The following MYOM1 variants were observed in gnomAD, a reference collection of about 807,000 sequenced individuals.
MYOM1 encodes myomesin 1.
In MYOM1, 164 loss-of-function variants were observed where a neutral mutation model predicts 205.3. The ratio of observed to expected loss-of-function variants is 0.80; its 90% CI spans 0.70 to 0.91. MYOM1 has a LOEUF of 0.91. Ranked by LOEUF, MYOM1 falls within the 40% of genes least tolerant of loss-of-function variation. MYOM1 has a pLI of 0.00. For synonymous variants in MYOM1, 772 were observed against 789.4 expected (o/e 0.98, Z 0.37); for missense variants, 2,011 against 2,127.3 (o/e 0.95, Z 1.08).
chr18:3,115,777 C>T lies in MYOM1; in HGVS notation c.3303+554G>A, dbSNP rs74679790. On this transcript the variant is annotated intron_variant, in intron 21 of 37. Coordinates refer to ENST00000356443, the MANE Select transcript of MYOM1 (RefSeq NM_003803.4). Reference sequence around the variant, plus strand: ...CAGAGTTAGGAAATGGTTCAATGAGCACACTCTAGAGGAACCTGAAAGGCA... The same window carrying T: ...CAGAGTTAGGAAATGGTTCAATGAGTACACTCTAGAGGAACCTGAAAGGCA... Among the ~76,000 whole-genome samples the T allele has an allele frequency of 6.2e-3, 938 of 152,222 alleles. 7 individuals carry two copies. Among genetic ancestry groups the T allele is most frequent in the African/African-American group, 0.021 (890 of 41,538 alleles).
rs771649769 is a variant in MYOM1, at chr18:3,151,776, C to T, written c.1761G>A (p.Val587=). The T allele has an allele frequency of 1.2e-6, 2 of 1,613,918 alleles. No homozygotes were observed. Among genetic ancestry groups the T allele is most frequent in the Non-Finnish European group, 1.7e-6 (2 of 1,179,836 alleles). Residue 587 remains valine (V), a synonymous_variant, in exon 12 of 38, where the codon GTG becomes GTA. Transcript: ENST00000356443. ...ATGGGAAACCTATTCCCATTTTATT[C>T]ACAGCTCGAACTCGGAAGATATAGG... ...GRSYIFRVRA[V]NKMGIGFPSR...
chr18:3,174,320 C>A, intron 6 of MYOM1, 112 bp from the exon 7 acceptor site: 1 of 848,898 alleles, frequency 1.2e-6, no homozygotes, highest in South Asian at 1.6e-5. Context: ...CAGTGGCTAA[C>A]ACATGGCTCT....
chr18:3,158,427 G>C (rs1408731176), intron 10 of MYOM1, among the ~76,000 whole-genome samples: 1 of 151,884 alleles, frequency 6.6e-6, no homozygotes, highest in Non-Finnish European at 1.5e-5. Flanking sequence ...TCAGTTCTTA[G>C]AACTAGAATT....
chr18:3,126,835 C>T lies in MYOM1; in HGVS notation c.2857G>A (p.Gly953Arg), dbSNP rs772637079. 2 of 1,613,462 alleles carry T rather than the reference C, an allele frequency of 1.2e-6. No homozygotes were observed. The highest frequency in any genetic ancestry group is 2.2e-5 in the South Asian group (2 of 90,922). The part of the protein sequence containing the change: ...LESFRDSMVL[G>R]WKQPDKIGGA... ...CCAATCTTATCTGGTTGCTTCCATC[C>T]AAGAACCATTGAGTCACGAAAACTT... Residue 953 changes from glycine (G) to arginine (R), a missense_variant, in exon 19 of 38, where the codon GGA becomes AGA. By Grantham distance (125) the Gly-to-Arg change is moderately radical. Coordinates refer to ENST00000356443, the MANE Select transcript of MYOM1 (RefSeq NM_003803.4).
the MYOM1 span, among the ~76,000 whole-genome samples, chr18:3,242,549 C>G: frequency 4.0e-4 from 61 of 152,268 alleles, no homozygotes; most frequent in Middle Eastern, 0.01. Flanking sequence ...TGCTCTGTAG[C>G]CCAGGCTTGA....
Position 3,112,386 on chromosome 18 carries a change from G to C in MYOM1, c.3330C>G (p.Ser1110Arg), listed in dbSNP as rs760462923. ...LKVRGLKEGV[S>R]YVFRVRAINQ... Reference sequence around the variant, plus strand: ...TTATGGCTCGAACACGGAACACGTAGCTGACGCCCTCCTTGAGGCCTCGAA... The same window carrying C: ...TTATGGCTCGAACACGGAACACGTACCTGACGCCCTCCTTGAGGCCTCGAA... The change falls in exon 22 of 38, where the codon AGC becomes AGG. Residue 1110 changes from serine (S) to arginine (R), a missense_variant. Transcript: ENST00000356443. 165 of 1,609,602 alleles carry C rather than the reference G, an allele frequency of 1.0e-4. 3 individuals are homozygous for C. In the South Asian group the frequency reaches 1.7e-3, roughly 17 times the overall value.
chr18:3,076,650 T>C (rs540956953), intron 34 of MYOM1, among the ~76,000 whole-genome samples: 36 of 152,086 alleles, frequency 2.4e-4, no homozygotes, highest in African/African-American at 8.0e-4. Flanking sequence ...GAGATCTATA[T>C]AGTTCTCAAA....
At chr18:3,069,433 C>A (rs889682557) in intron 37 of MYOM1, among the ~76,000 whole-genome samples, 1 of 152,160 alleles carries the variant, frequency 6.6e-6, no homozygotes, top group Non-Finnish European at 1.5e-5. Flanking sequence ...ACATAGCTTT[C>A]TAAAGGGTCT....
At chr18:3,177,394 G>A (rs1187999712) in intron 5 of MYOM1, among the ~76,000 whole-genome samples, 1 of 151,404 alleles carries the variant, frequency 6.6e-6, no homozygotes, top group Non-Finnish European at 1.5e-5. Context: ...TGTAGGATGA[G>A]AGCAAAACAT....
intron 10 of MYOM1, among the ~76,000 whole-genome samples, chr18:3,157,620 T>C (rs867868673): frequency 6.6e-6 from 1 of 151,306 alleles, no homozygotes; most frequent in South Asian, 2.1e-4. Flanking sequence ...GAGGCTGCAG[T>C]AAGCTATGAT....
intron 26 of MYOM1, chr18:3,093,541 C>T (rs1433377574): frequency 1.3e-5 from 2 of 151,872 alleles, no homozygotes; most frequent in African/African-American, 4.8e-5. Context: ...AAAGTATATA[C>T]CAATATGTAC....
chr18:3,229,829 C>T, the MYOM1 span, among the ~76,000 whole-genome samples: 10 of 151,932 alleles, frequency 6.6e-5, no homozygotes, highest in South Asian at 2.1e-4. Context: ...ATTAGCCAGG[C>T]GTGGTGGTGC....
rs34446814 is a variant in MYOM1, at chr18:3,197,136, C to CT, written c.291-3179dup. Among the ~76,000 whole-genome samples the CT allele has an allele frequency of 4.6e-3, 603 of 132,500 alleles. 2 individuals are homozygous for CT. Among genetic ancestry groups the CT allele is most frequent in the Middle Eastern group, 7.6e-3 (2 of 262 alleles). 86.9% of individuals were successfully genotyped at this position (132,500 alleles called of 152,430 possible). On this transcript the variant is annotated intron_variant, in intron 2 of 37. Transcript: ENST00000356443. ...CACTATACCAGTCATCTCCAACTTC[C>CT]TTTTTTTTTTTTTTTTTTGAGACGG... is the stretch of plus-strand genomic sequence containing the variant.
intron 36 of MYOM1, among the ~76,000 whole-genome samples, 184 bp from the exon 37 acceptor site, chr18:3,072,073 C>G (rs2143624082): frequency 6.7e-6 from 1 of 148,558 alleles, no homozygotes; most frequent in South Asian, 2.1e-4. Flanking sequence ...TTTTTTGAGA[C>G]AGAGTCTCAC....
At chr18:3,204,669 A>G (rs1193138405) in intron 2 of MYOM1, among the ~76,000 whole-genome samples, 1 of 152,020 alleles carries the variant, frequency 6.6e-6, no homozygotes, top group Non-Finnish European at 1.5e-5. Context: ...CAGATTCAAC[A>G]TGATCCTAAT....
chr18:3,144,348 A>T (rs1407501287), intron 13 of MYOM1, among the ~76,000 whole-genome samples: 3 of 152,190 alleles, frequency 2.0e-5, no homozygotes, highest in African/African-American at 7.2e-5. Context: ...CATAGCCAAC[A>T]AGAGAATACA....
At chr18:3,206,891 T>C (rs76172491) in intron 2 of MYOM1, among the ~76,000 whole-genome samples, 2,585 of 152,322 alleles carry the variant, frequency 0.017, 68 homozygotes, top group African/African-American at 0.058. Context: ...ATAAATATTA[T>C]GATGTCAAAA....
intron 17 of MYOM1, 100 bp downstream of exon 17, chr18:3,131,275 C>T: frequency 7.6e-7 from 1 of 1,323,806 alleles, no homozygotes; most frequent in Non-Finnish European, 1.0e-6. Flanking sequence ...AATCATCCAG[C>T]AATATTGGAA....
rs959998276 is a variant in MYOM1, at chr18:3,134,407, T to G, written c.2384+243A>C. On this transcript the variant is annotated intron_variant, in intron 16 of 37. Transcript: ENST00000356443. The stretch of plus-strand genomic sequence containing the variant: ...TATTTAAAGTATAATGTTTTCTTGT[T>G]TTTTTTTTCAGTTTGTAAAGATAGG... 1.3e-4 allele frequency among the ~76,000 whole-genome samples: 12 copies of G among 95,772 alleles called. No individual in the cohort carries two copies. The South Asian group carries it at 4.0e-3, about 32-fold the overall frequency. The allele number at this position is 95,772 out of a possible 152,430, so 62.8% of individuals were successfully genotyped here. A position where few individuals can be genotyped will look rare whatever the true frequency, so the allele number is the denominator to read the frequency against.
Sources: allele counts gnomAD v4.1 joint callset (sites outside exome capture counted in the v4.1 genomes callset), GRCh38; gene constraint gnomAD v4.1.1; transcripts MANE v1.5; gene names NCBI Gene and HGNC (gene_info 2026-07-23, HGNC 2026-07-21).